The following LONP1 variants were observed in gnomAD, a reference collection of about 807,000 sequenced individuals.
LONP1 encodes lon protease homolog, mitochondrial.
A neutral mutation model predicts 98.5 loss-of-function variants in LONP1; 31 were observed. The ratio of observed to expected loss-of-function variants is 0.31; its 90% CI spans 0.24 to 0.42. The LOEUF is 0.42. LONP1 is among the 20% of genes least tolerant of loss of function. LONP1 has a pLI of 1.00. For synonymous variants in LONP1, 781 were observed against 594.7 expected (o/e 1.31, Z -4.56); for missense variants, 1,336 against 1,350.6 (o/e 0.99, Z 0.17).
chr19:5,697,520 G>A (rs1454373269), intron 10 of LONP1, among the ~76,000 whole-genome samples: 1 of 142,832 alleles, frequency 7.0e-6, no homozygotes, highest in Non-Finnish European at 1.5e-5. Flanking sequence ...GGGGAGAGAA[G>A]AGGGAGGAGA....
Position 5,692,005 on chromosome 19 carries a change from C to CCAGTTCTGGCCCAGACAGGGCCTGACATG in LONP1, c.*26_*27insCATGTCAGGCCCTGTCTGGGCCAGAACTG. On this transcript the variant is annotated 3_prime_UTR_variant, in exon 18 of 18. Transcript: ENST00000360614. Reference sequence around the variant, plus strand: ...TTCTGGCCCAGACAGGGCCTGACATCCGCCGCCTGCAGTCCCGGGGTGGCC... The same window carrying CCAGTTCTGGCCCAGACAGGGCCTGACATG: ...TTCTGGCCCAGACAGGGCCTGACATCCAGTTCTGGCCCAGACAGGGCCTGACATGCGCCGCCTGCAGTCCCGGGGTGGCC... The CCAGTTCTGGCCCAGACAGGGCCTGACATG allele has an allele frequency of 6.3e-7, 1 of 1,597,214 alleles. No individual in the cohort carries two copies.
chr19:5,693,155 A>G (rs2054860965), intron 17 of LONP1, 143 bp downstream of exon 17: 1 of 1,009,710 alleles, frequency 9.9e-7, no homozygotes, highest in Non-Finnish European at 1.4e-6. Flanking sequence ...GCTTAAGGCC[A>G]GCTCCAGGCC....
intron 5 of LONP1, chr19:5,708,103 GCCA>G (rs2055177063): frequency 4.9e-6 from 3 of 608,736 alleles, no homozygotes; most frequent in South Asian, 4.0e-5. Context: ...CCCAGCCAAT[GCCA>G]CCAACAGCTT....
chr19:5,697,687 TG>T (rs1279255958), intron 10 of LONP1, among the ~76,000 whole-genome samples: 3 of 151,222 alleles, frequency 2.0e-5, no homozygotes, highest in Non-Finnish European at 3.0e-5. Flanking sequence ...CCTGGAGAGC[TG>T]GGGGCAAAGG....
rs1555713731 is a variant in LONP1 at position 5,714,182 on chromosome 19, C to T, written c.518+1G>A. On this transcript the variant is annotated splice_donor_variant, in intron 2 of 17. Coordinates refer to ENST00000360614, the MANE Select transcript of LONP1 (RefSeq NM_004793.4). LOFTEE classifies it high-confidence loss of function. ...GGGAATGAAGGAAAAATCACACTTA[C>T]CTGTCATCTCTCTTTAGAAAGACGC... The T allele has an allele frequency of 1.9e-6, 3 of 1,611,922 alleles. No homozygotes were observed. Among genetic ancestry groups the T allele is most frequent in the Non-Finnish European group, 2.5e-6 (3 of 1,178,750 alleles).
intron 4 of LONP1, among the ~76,000 whole-genome samples, chr19:5,710,924 G>A (rs2055226643): frequency 6.6e-6 from 1 of 152,120 alleles, no homozygotes; most frequent in African/African-American, 2.4e-5. Flanking sequence ...TACTTGGGAG[G>A]CTGAGGCATG....
chr19:5,695,218 G>A (rs1204274582), intron 13 of LONP1, among the ~76,000 whole-genome samples: 3 of 152,140 alleles, frequency 2.0e-5, no homozygotes, highest in Admixed American at 6.5e-5. Flanking sequence ...CTGTAGGGTG[G>A]CTGACTGGTT....
rs1428405318 is a variant in LONP1 at position 5,720,058 on chromosome 19, G to C, written c.75C>G (p.Ala25=). Residue 25 remains alanine, a synonymous_variant, in exon 1 of 18, where the codon GCC becomes GCG. Coordinates refer to ENST00000360614, the MANE Select transcript of LONP1 (RefSeq NM_004793.4). ...RCWVLRRPML[A]AAGGRVPTAA... The stretch of plus-strand genomic sequence containing the variant: ...CAGTGGGAACCCGCCCCCCGGCGGC[G>C]GCCAGCATCGGCCGCCGCAGCACCC... 1.3e-6 allele frequency: 2 copies of C among 1,531,696 alleles called. No homozygotes were observed. Among genetic ancestry groups the C allele is most frequent in the Admixed American group, 2.0e-5 (1 of 48,960 alleles). The allele number at this position is 1,531,696 out of a possible 1,614,324, so 94.9% of individuals were successfully genotyped here.
At chr19:5,713,335 G>T in intron 2 of LONP1, 82 bp from the exon 3 acceptor site, 4 of 1,439,760 alleles carry the variant, frequency 2.8e-6, no homozygotes. Flanking sequence ...GGAGGAGGGA[G>T]AGAAAAGAAA....
At chr19:5,701,567 G>A (rs902201934) in intron 8 of LONP1, among the ~76,000 whole-genome samples, 34 of 152,346 alleles carry the variant, frequency 2.2e-4, no homozygotes, top group Admixed American at 1.5e-3. Context: ...TCCTAACCGC[G>A]AGTGGTCCGC....
rs2054871591 is a variant in LONP1 at position 5,693,620 on chromosome 19, A to G, written c.2470T>C (p.Phe824Leu). The change falls in exon 16 of 18, where the codon TTC becomes CTC. Residue 824 changes from phenylalanine to leucine, a missense_variant. Around this residue, in one of 5 missense-constraint regions of LONP1, gnomAD observed 555 missense variants for 542.6 expected, o/e 1.02. Coordinates refer to ENST00000360614, the MANE Select transcript of LONP1 (RefSeq NM_004793.4). ...TTGGCGGGGGCGTGCTGCATGAGGA[A>G]GGCTCTGGCGAAGGTGTAGGCTATG... is the stretch of plus-strand genomic sequence containing the variant. Reference protein sequence around the residue: ...ARIAYTFARAFLMQHAPANDY... With the variant: ...ARIAYTFARALLMQHAPANDY... 1 of 1,614,068 alleles carries G rather than the reference A, an allele frequency of 6.2e-7. No homozygotes were observed. The highest frequency in any genetic ancestry group is 8.5e-7 in the Non-Finnish European group (1 of 1,179,988).
chr19:5,692,375 C>T (rs765441042), intron 17 of LONP1, 167 bp from the exon 18 acceptor site: 1 of 607,624 alleles, frequency 1.6e-6, no homozygotes, highest in Non-Finnish European at 2.7e-6. Flanking sequence ...CACGGGGAAA[C>T]AGGCTCAAGG....
At chr19:5,699,278 T>C in intron 9 of LONP1, 73 bp from the exon 10 acceptor site, 3 of 1,241,492 alleles carry the variant, frequency 2.4e-6, no homozygotes, top group Non-Finnish European at 3.3e-6. Context: ...TCTCGCCACC[T>C]GCACACTGCC....
Position 5,699,018 on chromosome 19 carries a change from C to T in LONP1, c.1685+9G>A. 6.3e-7 allele frequency: 1 copy of T among 1,598,238 alleles called. No individual in the cohort carries two copies. Among genetic ancestry groups the T allele is most frequent in the South Asian group, 1.1e-5 (1 of 90,096 alleles). ...GAGTGCGTGGGGAGAGCTGTCAGGC[C>T]AGGCCTACCTGTGGCCCTTGATCTC... On this transcript the variant is annotated intron_variant, in intron 10 of 17. Transcript: ENST00000360614.
intron 8 of LONP1, among the ~76,000 whole-genome samples, chr19:5,702,806 A>T (rs553834440): frequency 3.6e-4 from 55 of 151,356 alleles, no homozygotes; most frequent in African/African-American, 1.3e-3. Flanking sequence ...TGTTAAACAG[A>T]TGCTTGAAGG....
At position 5,693,757 on chromosome 19, in the gene LONP1, A is replaced by T; in HGVS notation, c.2333T>A (p.Leu778Gln). 8 of 1,613,566 alleles carry T rather than the reference A, an allele frequency of 5.0e-6. No individual in the cohort carries two copies. The highest frequency in any genetic ancestry group is 6.8e-6 in the Non-Finnish European group (8 of 1,179,854). Residue 778 changes from leucine to glutamine, a missense_variant, in exon 16 of 18, where the codon CTG becomes CAG. By Grantham distance (113) the Leu-to-Gln change is moderately radical. Around this residue, in one of 5 missense-constraint regions of LONP1, gnomAD observed 555 missense variants for 542.6 expected, o/e 1.02. Coordinates refer to ENST00000360614, the MANE Select transcript of LONP1 (RefSeq NM_004793.4). ...CCGTCTCAGGGATGTCTCCACAAAC[A>T]GCGTGGAGCCTCCTGAAACAGGTGT... The part of the protein sequence containing the change: ...LAWTAMGGST[L>Q]FVETSLRRPQ...
chr19:5,709,012 CAAAAAAAAAAAA>C, intron 4 of LONP1: 1 of 75,378 alleles, frequency 1.3e-5, no homozygotes. Context: ...GACTCTGTCT[CAAAAAAAAAAAA>C]AAAAAAAAAA....
At position 5,700,976 on chromosome 19, in the gene LONP1, T is replaced by C. The variant is rs1279237057; in HGVS notation, c.1368-49A>G. 5 of 1,608,534 alleles carry C rather than the reference T, an allele frequency of 3.1e-6. No individual in the cohort carries two copies. The Admixed American group carries it at 5.0e-5, about 16-fold the overall frequency. On this transcript the variant is annotated intron_variant, in intron 8 of 17. Coordinates refer to ENST00000360614, the MANE Select transcript of LONP1 (RefSeq NM_004793.4). ...TGCTGAGTGGAGCTCACGAGCTGCCTGTCTCTCTGCTGGACTTGGCTGGGT... is the reference window on the plus strand; with the variant it reads ...TGCTGAGTGGAGCTCACGAGCTGCCCGTCTCTCTGCTGGACTTGGCTGGGT...
chr19:5,706,711 AAG>A (rs2055151466), intron 7 of LONP1, among the ~76,000 whole-genome samples: 3 of 152,176 alleles, frequency 2.0e-5, no homozygotes, highest in Non-Finnish European at 4.4e-5. Flanking sequence ...GCTGGGTCTT[AAG>A]AAACAGCATC....
Sources: gnomAD v4.1 joint callset for allele counts (sites outside exome capture counted in the v4.1 genomes callset) on GRCh38, gnomAD v4.1.1 for gene constraint, gnomAD v4.1.1 regional missense constraint, MANE v1.5 for transcripts, NCBI Gene and HGNC (gene_info 2026-07-23, HGNC 2026-07-21) for gene names.